Variants in PAWR observed in about 807,000 individuals in gnomAD.
PAWR encodes the protein pro-apoptotic WT1 regulator.
In PAWR, 23 loss-of-function variants were observed where a neutral mutation model predicts 32.0. That is an observed-to-expected ratio of 0.72 (90% CI 0.52 to 1.02). The LOEUF (loss-of-function observed/expected upper bound fraction) is 1.02. PAWR is among the 50% of genes least tolerant of loss of function. The pLI, the probability that PAWR is intolerant of heterozygous loss-of-function variation, is 0.00. For missense variants in PAWR, 457 were observed against 437.7 expected (o/e 1.04, Z -0.39); for synonymous variants, 226 against 187.1 (o/e 1.21, Z -1.70).
chr12:79,595,469 T>G (rs961678938), intron 5 of PAWR, among the ~76,000 whole-genome samples: 7 of 152,190 alleles, frequency 4.6e-5, no homozygotes, highest in African/African-American at 7.2e-5. Context: ...CAATCCAAAC[T>G]CTTGTGGAAC....
chr12:79,613,144 G>T (rs1204393527), intron 4 of PAWR, among the ~76,000 whole-genome samples: 3 of 152,114 alleles, frequency 2.0e-5, no homozygotes, highest in African/African-American at 7.2e-5. Context: ...TACCTATAAG[G>T]CAGGAAGAGA....
At position 79,667,609 on chromosome 12, in the gene PAWR, T is replaced by C. The variant is rs941398849; in HGVS notation, c.516+22120A>G. Reference sequence around the variant, plus strand: ...ATTTGGACAAAATATAAAAGACATATATGAGATACCCATGAAAATTTTTGG... The same window carrying C: ...ATTTGGACAAAATATAAAAGACATACATGAGATACCCATGAAAATTTTTGG... On this transcript the variant is annotated intron_variant, in intron 2 of 6. Coordinates refer to ENST00000328827, the MANE Select transcript of PAWR (RefSeq NM_002583.4). Among the ~76,000 whole-genome samples, 8 of 152,310 alleles carry C rather than the reference T, an allele frequency of 5.3e-5. No individual in the cohort carries two copies. The South Asian group carries it at 1.5e-3, about 28-fold the overall frequency.
At chr12:79,659,755 T>C (rs1476595223) in intron 2 of PAWR, among the ~76,000 whole-genome samples, 7 of 152,202 alleles carry the variant, frequency 4.6e-5, no homozygotes, top group Admixed American at 4.6e-4. Context: ...CAACCAAGTT[T>C]TTAAAAATTA....
At chr12:79,658,972 TAAAA>T (rs550704257) in intron 2 of PAWR, among the ~76,000 whole-genome samples, 2 of 86,634 alleles carry the variant, frequency 2.3e-5, no homozygotes, top group Non-Finnish European at 2.4e-5. Flanking sequence ...CTTAGCACAC[TAAAA>T]AAAAAAAAAA....
intron 2 of PAWR, among the ~76,000 whole-genome samples, chr12:79,624,030 G>T (rs577638312): frequency 6.6e-6 from 1 of 152,180 alleles, no homozygotes; most frequent in African/African-American, 2.4e-5. Flanking sequence ...ATAAAGAATG[G>T]TCTCATCTCT....
At chr12:79,643,769 A>C (rs548522806) in intron 2 of PAWR, among the ~76,000 whole-genome samples, 28 of 152,282 alleles carry the variant, frequency 1.8e-4, no homozygotes, top group African/African-American at 6.0e-4. Context: ...CAGCTATGTG[A>C]AAAGAGATAC....
rs865777556 is a variant in PAWR, at chr12:79,632,292, T to G, written c.517-11085A>C. The G allele has an allele frequency of 9.0e-3, 501 of 55,834 alleles. 28 individuals carry two copies. In the African/African-American group the frequency reaches 0.092, roughly 10 times the overall value. 3.5% of individuals were successfully genotyped at this position (55,834 alleles called of 1,614,324 possible). A position where few individuals can be genotyped will look rare whatever the true frequency, so the allele number is the denominator to read the frequency against. On this transcript the variant is annotated intron_variant, in intron 2 of 6. Coordinates refer to ENST00000328827, the MANE Select transcript of PAWR (RefSeq NM_002583.4). ...GCACTAGAGTCCAGAAATAGAAATA[T>G]ATACATATATATATACATACATATA... is the stretch of plus-strand genomic sequence containing the variant.
chr12:79,681,020 T>C lies in PAWR; in HGVS notation c.516+8709A>G, dbSNP rs569486903. Among the ~76,000 whole-genome samples the C allele has an allele frequency of 2.0e-5, 3 of 150,446 alleles. No homozygotes were observed. In the East Asian group the frequency reaches 5.9e-4, roughly 30 times the overall value. Reference sequence around the variant, plus strand: ...GTCCCAGCTACTCAGGAGGCTCACGTGGGAGGATCTCTTGAACTCAGGAGG... The same window carrying C: ...GTCCCAGCTACTCAGGAGGCTCACGCGGGAGGATCTCTTGAACTCAGGAGG... On this transcript the variant is annotated intron_variant, in intron 2 of 6. Coordinates refer to ENST00000328827, the MANE Select transcript of PAWR (RefSeq NM_002583.4).
Position 79,677,944 on chromosome 12 carries a change from T to C in PAWR, c.516+11785A>G, listed in dbSNP as rs116652017. ...TTACACTAGAATCAAACTCTAGCAATTTAGTATCACTGGAGTTCCCCACCT... is the reference window on the plus strand; with the variant it reads ...TTACACTAGAATCAAACTCTAGCAACTTAGTATCACTGGAGTTCCCCACCT... On this transcript the variant is annotated intron_variant, in intron 2 of 6. Coordinates refer to ENST00000328827, the MANE Select transcript of PAWR (RefSeq NM_002583.4). Among the ~76,000 whole-genome samples, 991 of 152,240 alleles carry C rather than the reference T, an allele frequency of 6.5e-3. 11 individuals are homozygous for C. Among genetic ancestry groups the C allele is most frequent in the African/African-American group, 0.019 (810 of 41,548 alleles).
chr12:79,604,959 T>C (rs1874109811), intron 4 of PAWR, among the ~76,000 whole-genome samples: 1 of 152,158 alleles, frequency 6.6e-6, no homozygotes, highest in Non-Finnish European at 1.5e-5. Flanking sequence ...TTAAAAATCT[T>C]ATGAAAAATA....
rs1190978680 is a variant in PAWR at position 79,632,296 on chromosome 12, CATATATAT to C, written c.517-11097_517-11090del. On this transcript the variant is annotated intron_variant, in intron 2 of 6. Coordinates refer to ENST00000328827, the MANE Select transcript of PAWR (RefSeq NM_002583.4). ...TAGAGTCCAGAAATAGAAATATATA[CATATATAT>C]ATACATACATATATATATATATATA... 9 of 36,774 alleles carry C rather than the reference CATATATAT, an allele frequency of 2.4e-4. No homozygotes were observed. The South Asian group carries it at 5.0e-3, about 21-fold the overall frequency. The allele number at this position is 36,774 out of a possible 1,614,324, so 2.3% of individuals were successfully genotyped here.
In PAWR at chr12:79,629,755, G is replaced by A. The variant is rs1366362827; in HGVS notation, c.517-8548C>T. 2.6e-5 allele frequency among the ~76,000 whole-genome samples: 4 copies of A among 152,178 alleles called. No homozygotes were observed. In the East Asian group the frequency reaches 7.7e-4, roughly 29 times the overall value. ...TATTGTGGAACATAAAACAGGATTT[G>A]TGCAAACATAAGATGATGAAATCAT... On this transcript the variant is annotated intron_variant, in intron 2 of 6. Transcript: ENST00000328827.
chr12:79,638,402 T>C (rs943228209), intron 2 of PAWR, among the ~76,000 whole-genome samples: 6 of 152,174 alleles, frequency 3.9e-5, no homozygotes, highest in Non-Finnish European at 7.3e-5. Flanking sequence ...GTCCAACATA[T>C]TGTTAATGTC....
intron 2 of PAWR, among the ~76,000 whole-genome samples, chr12:79,649,953 C>A (rs1876761409): frequency 6.6e-6 from 1 of 152,138 alleles, no homozygotes; most frequent in East Asian, 1.9e-4. Context: ...TTAAGATTCT[C>A]ATAAAGAGCA....
chr12:79,608,762 G>C (rs576941795), intron 4 of PAWR, among the ~76,000 whole-genome samples: 2 of 152,174 alleles, frequency 1.3e-5, no homozygotes, highest in South Asian at 2.1e-4. Context: ...AAAACATGGT[G>C]GGCCAGGCAT....
intron 2 of PAWR, among the ~76,000 whole-genome samples, chr12:79,654,087 T>C (rs376192190): frequency 8.6e-4 from 131 of 152,248 alleles, no homozygotes; most frequent in Non-Finnish European, 1.2e-3. Context: ...ACAGCTGCTG[T>C]AAACATGAGA....
chr12:79,654,892 A>G (rs1877023280), intron 2 of PAWR, among the ~76,000 whole-genome samples: 1 of 152,184 alleles, frequency 6.6e-6, no homozygotes, highest in Admixed American at 6.5e-5. Flanking sequence ...GTGGGGACAC[A>G]GAGCCAAACC....
chr12:79,680,532 A>G (rs1878388079), intron 2 of PAWR, among the ~76,000 whole-genome samples: 1 of 152,184 alleles, frequency 6.6e-6, no homozygotes, highest in Non-Finnish European at 1.5e-5. Flanking sequence ...TGCCATTGAC[A>G]AAGTTTTTGA....
At chr12:79,614,135 C>T (rs1194589932) in intron 3 of PAWR, among the ~76,000 whole-genome samples, 4 of 148,872 alleles carry the variant, frequency 2.7e-5, no homozygotes, top group Non-Finnish European at 4.5e-5. Flanking sequence ...CTCAGCCTCC[C>T]AAGTAGCTGG....
Sources: allele counts gnomAD v4.1 joint callset (sites outside exome capture counted in the v4.1 genomes callset), GRCh38; gene constraint gnomAD v4.1.1; transcripts MANE v1.5; gene names NCBI Gene and HGNC (gene_info 2026-07-23, HGNC 2026-07-21).